EHMT2: variants seen among roughly 807,000 people sequenced by gnomAD.
The protein encoded by EHMT2 is euchromatic histone lysine methyltransferase 2.
EHMT2 carries 59 observed loss-of-function variants against 143.3 expected under a neutral mutation model. The ratio of observed to expected loss-of-function variants is 0.41; its 90% CI spans 0.33 to 0.51. EHMT2 has a LOEUF of 0.51. Among genes scored for constraint, EHMT2 ranks in the 20% least tolerant of loss-of-function variants. The probability of loss-of-function intolerance (pLI) is 0.18; values close to 1 mark genes in which losing one functional copy is unlikely to be tolerated. For synonymous variants in EHMT2, 604 were observed against 651.5 expected (o/e 0.93, Z 1.11); for missense variants, 1,174 against 1,645.9 (o/e 0.71, Z 4.96).
chr6:31,883,994 G>A lies in EHMT2; in HGVS notation c.2772-44C>T, dbSNP rs1436251071. ...AGGGGCTGGGAAGCTGGAAAAGGGG[G>A]TGAGGAGCTACTCCAGGTATAAGGA... is the stretch of plus-strand genomic sequence containing the variant. On this transcript the variant is annotated intron_variant, in intron 21 of 27. Coordinates refer to ENST00000375537, the Ensembl canonical transcript of EHMT2. This position sits in a 1 kb window ranked among gnomAD's most constrained non-coding sequence, Gnocchi z 5.6. 4 of 1,603,794 alleles carry A rather than the reference G, an allele frequency of 2.5e-6. No homozygotes were observed. The highest frequency in any genetic ancestry group is 3.4e-6 in the Non-Finnish European group (4 of 1,174,022).
Position 31,888,348 on chromosome 6 carries a change from C to T in EHMT2, c.1509+15G>A, listed in dbSNP as rs775414297. 9.9e-6 allele frequency: 16 copies of T among 1,611,974 alleles called. No homozygotes were observed. The African/African-American group carries it at 1.5e-4, about 15-fold the overall frequency. On this transcript the variant is annotated intron_variant, in intron 12 of 27. Transcript: ENST00000375537. This position sits in a 1 kb window ranked among gnomAD's most constrained non-coding sequence, Gnocchi z 7.4. ...CCACAGGGCATGCTACCTGTCTGCC[C>T]CACTGGTCACTCACCGCCGTGCAGA...
In EHMT2 at chr6:31,883,686, C is replaced by T. The variant is rs1581891657; in HGVS notation, c.2916+120G>A. ...CCCCTGGTGGGGATGCGACCCCACA[C>T]CAGGGCTCCCTTTCAGCCAACCCTT... On this transcript the variant is annotated intron_variant, in intron 22 of 27. Transcript: ENST00000375537. The surrounding 1 kb of genome is among the most constrained non-coding windows in gnomAD (Gnocchi z 5.6). The T allele has an allele frequency of 7.1e-7, 1 of 1,418,218 alleles. No homozygotes were observed. Among genetic ancestry groups the T allele is most frequent in the East Asian group, 2.3e-5 (1 of 43,678 alleles). 87.9% of individuals were successfully genotyped at this position (1,418,218 alleles called of 1,614,324 possible).
intron 7 of EHMT2, among the ~76,000 whole-genome samples, chr6:31,891,603 C>T (rs144588601): frequency 9.2e-4 from 140 of 152,204 alleles, no homozygotes; most frequent in African/African-American, 2.6e-3. Flanking sequence ...CTATTCTACT[C>T]TTTTGATTAT....
At chr6:31,897,316 C>T in intron 1 of EHMT2, 1 of 568,926 alleles carries the variant, frequency 1.8e-6, no homozygotes, top group Non-Finnish European at 2.6e-6. Context: ...CCGCGGGGAC[C>T]CCGGGCACCA....
At chr6:31,891,233 C>T (rs1024098850) in intron 7 of EHMT2, among the ~76,000 whole-genome samples, 1 of 152,228 alleles carries the variant, frequency 6.6e-6, no homozygotes, top group African/African-American at 2.4e-5. Context: ...GCGTGAGCCA[C>T]TGTGCCTGGC....
rs1373612114 is a variant in EHMT2 at position 31,888,494 on chromosome 6, T to C, written c.1378A>G (p.Asn460Asp). The change falls in exon 12 of 28, where the codon AAT becomes GAT. Residue 460 changes from asparagine to aspartate, a missense_variant. Asn to Asp is a conservative substitution (Grantham distance 23, BLOSUM62 1). This residue lies in a region of EHMT2 where 608 missense variants were observed against 903.7 expected (regional missense o/e 0.67). Transcript: ENST00000375537. The surrounding 1 kb of genome is among the most constrained non-coding windows in gnomAD (Gnocchi z 7.4). ...GTCTCCCGCTTGAGGATGGCGGCATTGCAGCCTGACAGCTGTGCGCAGTGA... is the reference window on the plus strand; with the variant it reads ...GTCTCCCGCTTGAGGATGGCGGCATCGCAGCCTGACAGCTGTGCGCAGTGA... 1 of 1,612,650 alleles carries C rather than the reference T, an allele frequency of 6.2e-7. No individual in the cohort carries two copies. Among genetic ancestry groups the C allele is most frequent in the Non-Finnish European group, 8.5e-7 (1 of 1,179,756 alleles).
At chr6:31,887,994 TA>T (rs1371973152) in intron 13 of EHMT2, 33 bp from the exon 14 acceptor site, 3 of 1,570,450 alleles carry the variant, frequency 1.9e-6, no homozygotes, top group Non-Finnish European at 2.6e-6. Context: ...CCAGGAGCAA[TA>T]GGGGTGGGGG....
chr6:31,887,629 C>T, exon 15 of EHMT2: 1 of 1,613,036 alleles, frequency 6.2e-7, no homozygotes, highest in Non-Finnish European at 8.5e-7. Flanking sequence ...ACAGGTACAA[C>T]TGCCGAGGGT....
At chr6:31,896,651 T>C in exon 3 of EHMT2, 1 of 1,594,460 alleles carries the variant, frequency 6.3e-7, no homozygotes, top group South Asian at 1.1e-5. Flanking sequence ...CCCTCAAGAT[T>C]CTCAGATTCA....
chr6:31,891,970 G>A (rs1018821413), intron 7 of EHMT2, among the ~76,000 whole-genome samples: 3 of 152,074 alleles, frequency 2.0e-5, no homozygotes, highest in Non-Finnish European at 4.4e-5. Context: ...AGCTGGGCGC[G>A]GTGGCTCACA....
Position 31,887,015 on chromosome 6 carries a change from T to A in EHMT2, c.2098A>T (p.Ile700Phe). The A allele has an allele frequency of 8.1e-6, 13 of 1,613,938 alleles. No individual in the cohort carries two copies. Among genetic ancestry groups the A allele is most frequent in the Non-Finnish European group, 1.1e-5 (13 of 1,180,020 alleles). ...CTGACCTGCAGCAGCACATGGCAGA[T>A]CTCCACGGAGCCCTTCTGGGCGGCT... The change falls in exon 16 of 28, where the codon ATC becomes TTC. Residue 700 changes from isoleucine (I) to phenylalanine (F), a missense_variant. This residue lies in a region of EHMT2 where 608 missense variants were observed against 903.7 expected (regional missense o/e 0.67). Transcript: ENST00000375537.
In EHMT2 at chr6:31,884,188, C is replaced by A; in HGVS notation, c.2771+204G>T. On this transcript the variant is annotated intron_variant, in intron 21 of 27. Coordinates refer to ENST00000375537, the Ensembl canonical transcript of EHMT2. This position sits in a 1 kb window ranked among gnomAD's most constrained non-coding sequence, Gnocchi z 7.3. ...ACTAAAAAAGTATGCATCTGTGCAT[C>A]TGAAATTCCAGTTTAACTGGGTGTC... 1.4e-6 allele frequency: 1 copy of A among 722,236 alleles called. No homozygotes were observed. The highest frequency in any genetic ancestry group is 2.2e-6 in the Non-Finnish European group (1 of 451,358). 44.7% of individuals were successfully genotyped at this position (722,236 alleles called of 1,614,324 possible). A position where few individuals can be genotyped will look rare whatever the true frequency, so the allele number is the denominator to read the frequency against.
chr6:31,888,082 C>T lies in EHMT2; in HGVS notation c.1704G>A (p.Leu568=). 1.2e-6 allele frequency: 2 copies of T among 1,606,052 alleles called. No homozygotes were observed. Among genetic ancestry groups the T allele is most frequent in the Non-Finnish European group, 1.7e-6 (2 of 1,176,722 alleles). Residue 568 remains leucine (L), a synonymous_variant, in exon 13 of 28, where the codon CTG becomes CTA. Coordinates refer to ENST00000375537, the Ensembl canonical transcript of EHMT2. The surrounding 1 kb of genome is among the most constrained non-coding windows in gnomAD (Gnocchi z 7.4). ...CTGCTCTCCCGGGGACATCCTGGGACAGGGGTGGGGGTGCAGGAGCTGCAG... is the reference window on the plus strand; with the variant it reads ...CTGCTCTCCCGGGGACATCCTGGGATAGGGGTGGGGGTGCAGGAGCTGCAG...
intron 1 of EHMT2, 123 bp from the exon 2 acceptor site, chr6:31,897,112 C>A: frequency 7.0e-7 from 1 of 1,424,876 alleles, no homozygotes; most frequent in Non-Finnish European, 9.2e-7. Flanking sequence ...CTGTGGGGCC[C>A]CCCCCTTCCG....
In EHMT2 at chr6:31,883,604, C is replaced by T; in HGVS notation, c.2917-165G>A. The T allele has an allele frequency of 1.0e-6, 1 of 983,872 alleles. No individual in the cohort carries two copies. Among genetic ancestry groups the T allele is most frequent in the Non-Finnish European group, 1.5e-6 (1 of 649,354 alleles). 60.9% of individuals were successfully genotyped at this position (983,872 alleles called of 1,614,324 possible). On this transcript the variant is annotated intron_variant, in intron 22 of 27. Coordinates refer to ENST00000375537, the Ensembl canonical transcript of EHMT2. This position sits in a 1 kb window ranked among gnomAD's most constrained non-coding sequence, Gnocchi z 5.6. ...GACGGGTAATCAGTATGGTGGTGTC[C>T]CCAGGGCTACTGGGAGCTCATATGA...
Position 31,881,153 on chromosome 6 carries a change from G to A in EHMT2, c.3198-61C>T. 7.1e-7 allele frequency: 1 copy of A among 1,418,062 alleles called. No homozygotes were observed. Among genetic ancestry groups the A allele is most frequent in the Non-Finnish European group, 1.0e-6 (1 of 1,004,870 alleles). 87.8% of individuals were successfully genotyped at this position (1,418,062 alleles called of 1,614,324 possible). On this transcript the variant is annotated intron_variant, in intron 25 of 27. Coordinates refer to ENST00000375537, the Ensembl canonical transcript of EHMT2. This position sits in a 1 kb window ranked among gnomAD's most constrained non-coding sequence, Gnocchi z 4.8. ...GTGGGCTATTAGGAGGTGGCTCCAG[G>A]CCCCATCTCTCTTCACAAGCCTGTG...
In EHMT2 at chr6:31,883,998, G is replaced by A. The variant is rs575165255; in HGVS notation, c.2772-48C>T. The A allele has an allele frequency of 2.2e-5, 36 of 1,601,512 alleles. No individual in the cohort carries two copies. The African/African-American group carries it at 3.7e-4, about 17-fold the overall frequency. ...GCTGGGAAGCTGGAAAAGGGGGTGA[G>A]GAGCTACTCCAGGTATAAGGAAGAG... On this transcript the variant is annotated intron_variant, in intron 21 of 27. Coordinates refer to ENST00000375537, the Ensembl canonical transcript of EHMT2. The surrounding 1 kb of genome is among the most constrained non-coding windows in gnomAD (Gnocchi z 5.6).
Position 31,888,771 on chromosome 6 carries a change from T to C in EHMT2, c.1217-24A>G. On this transcript the variant is annotated intron_variant, in intron 10 of 27. Coordinates refer to ENST00000375537, the Ensembl canonical transcript of EHMT2. This position sits in a 1 kb window ranked among gnomAD's most constrained non-coding sequence, Gnocchi z 7.4. Reference sequence around the variant, plus strand: ...CCCTTGGATGGAGGAAAAGAGGAGCTGAGGGAGGCTCTGCACCTCACCTAC... The same window carrying C: ...CCCTTGGATGGAGGAAAAGAGGAGCCGAGGGAGGCTCTGCACCTCACCTAC... The C allele has an allele frequency of 6.2e-7, 1 of 1,610,260 alleles. No individual in the cohort carries two copies. Among genetic ancestry groups the C allele is most frequent in the South Asian group, 1.1e-5 (1 of 90,972 alleles).
At position 31,889,088 on chromosome 6, in the gene EHMT2, AGAGT is replaced by A; in HGVS notation, c.1115-22_1115-19del. 1.3e-6 allele frequency: 2 copies of A among 1,590,238 alleles called. No individual in the cohort carries two copies. The highest frequency in any genetic ancestry group is 1.7e-6 in the Non-Finnish European group (2 of 1,167,798). On this transcript the variant is annotated intron_variant, in intron 9 of 27. Coordinates refer to ENST00000375537, the Ensembl canonical transcript of EHMT2. This position sits in a 1 kb window ranked among gnomAD's most constrained non-coding sequence, Gnocchi z 5.1. ...ATTCACTCCTGACACAGAGACAGAG[AGAGT>A]GAGAGTGCGAGCTCACAGGTGCCTG...
Sources: gnomAD v4.1 joint callset for allele counts (sites outside exome capture counted in the v4.1 genomes callset) on GRCh38, gnomAD v4.1.1 for gene constraint, gnomAD v4.1.1 regional missense constraint, Gnocchi (gnomAD v3.1) non-coding constraint, MANE v1.5 for transcripts, NCBI Gene and HGNC (gene_info 2026-07-23, HGNC 2026-07-21) for gene names.